TANGO6: variants seen among roughly 807,000 people sequenced by gnomAD.
The protein encoded by TANGO6 is transport and Golgi organization protein 6 homolog.
A neutral mutation model predicts 114.2 loss-of-function variants in TANGO6; 90 were observed. The ratio of observed to expected loss-of-function variants is 0.79; its 90% CI spans 0.66 to 0.94. The LOEUF is 0.94. Ranked by LOEUF, TANGO6 falls within the 40% of genes least tolerant of loss-of-function variation. The pLI, the probability that TANGO6 is intolerant of heterozygous loss-of-function variation, is 0.00. For missense variants in TANGO6, 1,274 were observed against 1,315.3 expected (o/e 0.97, Z 0.49); for synonymous variants, 477 against 509.8 (o/e 0.94, Z 0.87).
chr16:68,980,519 T>G (rs1963823755), intron 15 of TANGO6, among the ~76,000 whole-genome samples: 1 of 149,536 alleles, frequency 6.7e-6, no homozygotes, highest in African/African-American at 2.5e-5. Flanking sequence ...TCCTCCTGCC[T>G]TAGCCCCATG....
intron 1 of TANGO6, among the ~76,000 whole-genome samples, chr16:68,853,448 C>G (rs991827129): frequency 3.9e-5 from 6 of 152,106 alleles, no homozygotes; most frequent in African/African-American, 1.4e-4. Flanking sequence ...ATTTCCCACT[C>G]CTGCTCCCCT....
intron 14 of TANGO6, among the ~76,000 whole-genome samples, chr16:68,969,785 G>GA (rs1963684751): frequency 6.6e-6 from 1 of 152,164 alleles, no homozygotes; most frequent in African/African-American, 2.4e-5. Flanking sequence ...ATGAGCATTA[G>GA]AGGGTGTTTA....
intron 17 of TANGO6, among the ~76,000 whole-genome samples, chr16:69,055,802 C>G (rs1391985865): frequency 6.6e-6 from 1 of 152,190 alleles, no homozygotes; most frequent in African/African-American, 2.4e-5. Context: ...TTTGAGAGGC[C>G]GAGGCAGGTG....
At chr16:69,048,629 G>A (rs1322069953) in intron 17 of TANGO6, among the ~76,000 whole-genome samples, 1 of 152,136 alleles carries the variant, frequency 6.6e-6, no homozygotes, top group Non-Finnish European at 1.5e-5. Context: ...ATTGGACTCT[G>A]ATGGCTGAAG....
intron 11 of TANGO6, among the ~76,000 whole-genome samples, chr16:68,915,901 A>G (rs937425598): frequency 6.6e-6 from 1 of 152,176 alleles, no homozygotes; most frequent in African/African-American, 2.4e-5. Context: ...GAGGCTTATT[A>G]TGACCTTCTC....
In TANGO6 at chr16:68,902,423, C is replaced by T. The variant is rs761577485; in HGVS notation, c.1586C>T (p.Ala529Val). 6.2e-7 allele frequency: 1 copy of T among 1,613,888 alleles called. No individual in the cohort carries two copies. Among genetic ancestry groups the T allele is most frequent in the East Asian group, 2.2e-5 (1 of 44,864 alleles). ...SLKGFAGLDK[A>V]VPSLHSLCQF... ...AAAGGATTTGCAGGGTTGGACAAAG[C>T]TGTGCCCTCTCTCCATTCTCTGTGT... Residue 529 changes from alanine (A) to valine (V), a missense_variant, in exon 9 of 18, where the codon GCT (alanine) becomes GTT (valine). Ala to Val is a moderately conservative substitution (Grantham distance 64, BLOSUM62 0). This residue lies in a region of TANGO6 where 908 missense variants were observed against 910.2 expected (regional missense o/e 1.00). Transcript: ENST00000261778.
intron 15 of TANGO6, among the ~76,000 whole-genome samples, chr16:69,006,109 G>C (rs1245048923): frequency 6.6e-6 from 1 of 152,174 alleles, no homozygotes; most frequent in Admixed American, 6.5e-5. Flanking sequence ...ATGCCAGTCA[G>C]AAAGCAGTGG....
At chr16:69,020,896 ATGTATGTATGTGTG>A (rs892323959) in intron 15 of TANGO6, among the ~76,000 whole-genome samples, 1 of 78,090 alleles carries the variant, frequency 1.3e-5, no homozygotes, top group Non-Finnish European at 2.8e-5. Context: ...CCCTTTATAT[ATGTATGTATGTGTG>A]TGTGTGTGTG....
intron 16 of TANGO6, chr16:69,033,939 T>C (rs1367665678): frequency 6.3e-6 from 1 of 157,484 alleles, no homozygotes; most frequent in East Asian, 1.6e-4. Context: ...ATTAGCTTTT[T>C]TCAAGGGGCA....
chr16:68,977,984 C>G (rs1298596149), intron 15 of TANGO6, among the ~76,000 whole-genome samples: 1 of 152,120 alleles, frequency 6.6e-6, no homozygotes, highest in East Asian at 1.9e-4. Context: ...CTGCACCCAG[C>G]TGAGAGTGAA....
chr16:69,001,620 G>A lies in TANGO6; in HGVS notation c.2843-21208G>A, dbSNP rs1488887599. On this transcript the variant is annotated intron_variant, in intron 15 of 17. Transcript: ENST00000261778. ...TGCATTTCTAGGGCTAAATAAGCAG[G>A]CACAGTTAGAAAGCAAAACAGATCC... is the stretch of plus-strand genomic sequence containing the variant. Among the ~76,000 whole-genome samples the A allele has an allele frequency of 2.0e-5, 3 of 152,086 alleles. No individual in the cohort carries two copies. The East Asian group carries it at 5.8e-4, about 29-fold the overall frequency.
Position 68,900,279 on chromosome 16 carries a change from A to G in TANGO6, c.1378-155A>G, listed in dbSNP as rs553391707. 1.1e-5 allele frequency: 7 copies of G among 619,950 alleles called. No homozygotes were observed. In the South Asian group the frequency reaches 1.3e-4, roughly 11 times the overall value. The allele number at this position is 619,950 out of a possible 1,614,324, so 38.4% of individuals were successfully genotyped here. A position where few individuals can be genotyped will look rare whatever the true frequency, so the allele number is the denominator to read the frequency against. On this transcript the variant is annotated intron_variant, in intron 7 of 17. Coordinates refer to ENST00000261778, the MANE Select transcript of TANGO6 (RefSeq NM_024562.2). ...CTGTCTGCCAAACTCAAATTGTTTC[A>G]TTGCCATATCTGAGCACATCTTTGG...
intron 17 of TANGO6, among the ~76,000 whole-genome samples, chr16:69,073,009 G>C (rs1439496086): frequency 6.6e-6 from 1 of 151,804 alleles, no homozygotes; most frequent in African/African-American, 2.4e-5. Flanking sequence ...CTGGAGGATG[G>C]GGCACAGGAA....
intron 3 of TANGO6, among the ~76,000 whole-genome samples, chr16:68,863,900 C>T (rs762404159): frequency 3.9e-5 from 6 of 152,064 alleles, no homozygotes; most frequent in Non-Finnish European, 8.8e-5. Flanking sequence ...TGAGGCCGGG[C>T]GTGGTGGCTC....
intron 17 of TANGO6, among the ~76,000 whole-genome samples, chr16:69,045,318 C>T (rs1959837799): frequency 6.7e-6 from 1 of 148,164 alleles, no homozygotes; most frequent in Admixed American, 6.8e-5. Context: ...GTGGCGGGTG[C>T]CTGTAGTCCT....
At chr16:69,040,145 C>G (rs973247306) in intron 16 of TANGO6, among the ~76,000 whole-genome samples, 163 bp from the exon 17 acceptor site, 1 of 152,228 alleles carries the variant, frequency 6.6e-6, no homozygotes, top group Non-Finnish European at 1.5e-5. Context: ...CAAGATCTCT[C>G]CCACTAGATC....
intron 3 of TANGO6, among the ~76,000 whole-genome samples, chr16:68,863,932 T>G (rs1419372549): frequency 6.6e-6 from 1 of 152,118 alleles, no homozygotes; most frequent in Non-Finnish European, 1.5e-5. Context: ...CCCAGCACTT[T>G]GGGAGGCCAA....
intron 15 of TANGO6, among the ~76,000 whole-genome samples, chr16:69,005,133 TACA>T (rs1964080842): frequency 6.6e-6 from 1 of 152,190 alleles, no homozygotes; most frequent in East Asian, 1.9e-4. Context: ...GGGGCCACAG[TACA>T]ACATGACTCT....
At chr16:68,934,658 A>T (rs1963282838) in intron 14 of TANGO6, among the ~76,000 whole-genome samples, 1 of 152,198 alleles carries the variant, frequency 6.6e-6, no homozygotes, top group Admixed American at 6.5e-5. Flanking sequence ...GCAAGAACCT[A>T]AAGTGCTTAT....
Sources: gnomAD v4.1 joint callset for allele counts (sites outside exome capture counted in the v4.1 genomes callset) on GRCh38, gnomAD v4.1.1 for gene constraint, gnomAD v4.1.1 regional missense constraint, MANE v1.5 for transcripts, NCBI Gene and HGNC (gene_info 2026-07-23, HGNC 2026-07-21) for gene names.